Variants in LRRC49 observed in about 807,000 individuals in gnomAD.
The protein encoded by LRRC49 is leucine rich repeat containing 49.
LRRC49 carries 50 observed loss-of-function variants against 83.3 expected under a neutral mutation model. That is an observed-to-expected ratio of 0.60 (90% confidence interval 0.48 to 0.76). LRRC49 has a LOEUF of 0.76. Ranked by LOEUF, LRRC49 falls within the 30% of genes least tolerant of loss-of-function variation. The pLI, the probability that LRRC49 is intolerant of heterozygous loss-of-function variation, is 0.00. For missense variants in LRRC49, 704 were observed against 809.1 expected, an observed-to-expected ratio of 0.87 and a Z score of 1.58; for synonymous variants, 286 against 283.3, an observed-to-expected ratio of 1.01 and a Z score of -0.10.
intron 2 of LRRC49, chr15:70,894,503 C>A: frequency 1.9e-6 from 1 of 529,708 alleles, no homozygotes; most frequent in Non-Finnish European, 3.0e-6. Flanking sequence ...TCTAGAATTT[C>A]TGGCTTTTGA....
intron 8 of LRRC49, among the ~76,000 whole-genome samples, chr15:70,963,050 T>TA (rs1433072570): frequency 2.0e-5 from 3 of 151,798 alleles, no homozygotes; most frequent in Non-Finnish European, 4.4e-5. Flanking sequence ...GAGGATCGCT[T>TA]AAACAGGAGT....
chr15:70,952,096 G>T (rs1249409282), intron 8 of LRRC49, among the ~76,000 whole-genome samples: 2 of 151,982 alleles, frequency 1.3e-5, no homozygotes, highest in African/African-American at 4.8e-5. Flanking sequence ...AACCAACTTT[G>T]CATCCCAGGA....
intron 11 of LRRC49, among the ~76,000 whole-genome samples, chr15:70,987,120 G>T (rs1485727128): frequency 6.6e-6 from 1 of 152,164 alleles, no homozygotes; most frequent in Non-Finnish European, 1.5e-5. Context: ...TCTCTACCCG[G>T]CTTTGGTATC....
At chr15:70,895,772 A>G in intron 2 of LRRC49, 77 bp from the exon 3 acceptor site, 1 of 801,000 alleles carries the variant, frequency 1.2e-6, no homozygotes, top group Admixed American at 2.2e-5. Flanking sequence ...CAGTTATTAT[A>G]TGTTTTTTTA....
intron 1 of LRRC49, among the ~76,000 whole-genome samples, chr15:70,869,268 A>T (rs771165915): frequency 6.6e-6 from 1 of 152,192 alleles, no homozygotes; most frequent in Non-Finnish European, 1.5e-5. Flanking sequence ...GTTAACAGTA[A>T]TGATTTCTGG....
chr15:70,996,951 G>A (rs747321502), intron 11 of LRRC49, among the ~76,000 whole-genome samples: 1 of 152,170 alleles, frequency 6.6e-6, no homozygotes, highest in African/African-American at 2.4e-5. Flanking sequence ...GATTGATTGA[G>A]ACTTGCTTTA....
chr15:70,892,986 T>C (rs770033173), intron 1 of LRRC49, 44 bp downstream of exon 1: 1 of 1,603,200 alleles, frequency 6.2e-7, no homozygotes, highest in African/African-American at 1.3e-5. Context: ...ACTGGTACTC[T>C]TTCTGACTGG....
intron 14 of LRRC49, among the ~76,000 whole-genome samples, chr15:71,022,826 G>A (rs1250435610): frequency 6.6e-6 from 1 of 152,166 alleles, no homozygotes; most frequent in Non-Finnish European, 1.5e-5. Flanking sequence ...TTACCACTTA[G>A]AGAACATTGC....
In LRRC49 at chr15:70,893,737, A is replaced by C. The variant is rs547651754; in HGVS notation, c.105+97A>C. On this transcript the variant is annotated intron_variant, in intron 2 of 15. Transcript: ENST00000260382. ...AAGTGTAGATAGATTCTAAACTGAA[A>C]AATTTAAGTAGATTTGCTTTGATTT... 2.4e-4 allele frequency: 220 copies of C among 930,406 alleles called. 2 individuals carry two copies. In the Admixed American group the frequency reaches 2.7e-3, roughly 12 times the overall value. The allele number at this position is 930,406 out of a possible 1,614,324, so 57.6% of individuals were successfully genotyped here.
intron 14 of LRRC49, among the ~76,000 whole-genome samples, chr15:71,034,621 A>G (rs937098571): frequency 2.0e-5 from 3 of 152,238 alleles, no homozygotes; most frequent in Admixed American, 2.0e-4. Context: ...AAGACATGGA[A>G]TCAACCCAAA....
chr15:70,933,204 A>G (rs925164886), intron 7 of LRRC49, among the ~76,000 whole-genome samples: 4 of 152,206 alleles, frequency 2.6e-5, no homozygotes, highest in Non-Finnish European at 4.4e-5. Flanking sequence ...TATTTTCCAA[A>G]TACATAAAAT....
At chr15:70,949,539 C>G (rs2036139233) in intron 8 of LRRC49, among the ~76,000 whole-genome samples, 2 of 152,268 alleles carry the variant, frequency 1.3e-5, no homozygotes, top group Admixed American at 6.5e-5. Context: ...CCCTCCATAT[C>G]TTTATGGGAT....
intron 1 of LRRC49, among the ~76,000 whole-genome samples, chr15:70,871,199 T>A (rs2141076181): frequency 6.6e-6 from 1 of 152,096 alleles, no homozygotes; most frequent in East Asian, 1.9e-4. Flanking sequence ...ACAAAGCACA[T>A]CTTGCACCGC....
chr15:70,967,655 T>G (rs530030174), intron 9 of LRRC49, among the ~76,000 whole-genome samples: 2 of 152,266 alleles, frequency 1.3e-5, no homozygotes, highest in East Asian at 3.9e-4. Flanking sequence ...TTGGCAAATT[T>G]TATCTATAAA....
exon 2 of LRRC49, chr15:70,872,953 C>A (rs185100099): frequency 3.0e-4 from 128 of 424,212 alleles, no homozygotes; most frequent in Admixed American, 8.8e-4. Context: ...GTGGTGCGAT[C>A]TCGCTCACTG....
chr15:70,987,212 A>G (rs1409063521), intron 11 of LRRC49, among the ~76,000 whole-genome samples: 2 of 152,166 alleles, frequency 1.3e-5, no homozygotes, highest in Admixed American at 1.3e-4. Flanking sequence ...AAGGAATGGT[A>G]CCATTTCTTC....
intron 15 of LRRC49, 116 bp from the exon 16 acceptor site, chr15:71,049,293 G>C: frequency 1.5e-6 from 1 of 663,876 alleles, no homozygotes; most frequent in Non-Finnish European, 2.6e-6. Flanking sequence ...GGAGTAGATG[G>C]GGGAGGAATA....
At chr15:70,968,608 A>G (rs2036879142) in intron 9 of LRRC49, among the ~76,000 whole-genome samples, 2 of 152,160 alleles carry the variant, frequency 1.3e-5, no homozygotes, top group Non-Finnish European at 1.5e-5. Flanking sequence ...AACAGTGTAA[A>G]AGCATTCCTA....
intron 2 of LRRC49, among the ~76,000 whole-genome samples, chr15:70,895,010 G>A (rs893351087): frequency 6.6e-6 from 1 of 152,060 alleles, no homozygotes; most frequent in African/African-American, 2.4e-5. Context: ...CTAGAGCTGT[G>A]TGCCTCATCT....
Sources: gnomAD v4.1 joint callset for allele counts (sites outside exome capture counted in the v4.1 genomes callset) on GRCh38, gnomAD v4.1.1 for gene constraint, MANE v1.5 for transcripts, NCBI Gene and HGNC (gene_info 2026-07-23, HGNC 2026-07-21) for gene names.